LAMA1: variants seen among roughly 807,000 people sequenced by gnomAD.
LAMA1 encodes the protein laminin subunit alpha-1.
In LAMA1, 219 loss-of-function variants were observed where a neutral mutation model predicts 348.7. The ratio of observed to expected loss-of-function variants is 0.63; its 90% CI spans 0.56 to 0.70. The LOEUF is 0.70. Ranked by LOEUF, LAMA1 falls within the 30% of genes least tolerant of loss-of-function variation. LAMA1 has a pLI of 0.00. For missense variants in LAMA1, 3,744 were observed against 3,888.0 expected (o/e 0.96, Z 0.99); for synonymous variants, 1,487 against 1,491.0 (o/e 1.00, Z 0.06).
chr18:6,968,126 G>C (rs887609509), intron 48 of LAMA1, among the ~76,000 whole-genome samples: 27 of 152,156 alleles, frequency 1.8e-4, no homozygotes, highest in Non-Finnish European at 4.4e-5. Context: ...CAGGACAAAT[G>C]AAAGCTCGGT....
At chr18:7,005,386 C>T (rs1416842224) in intron 29 of LAMA1, among the ~76,000 whole-genome samples, 1 of 152,210 alleles carries the variant, frequency 6.6e-6, no homozygotes, top group Non-Finnish European at 1.5e-5. Context: ...GTGAGCTCCC[C>T]ATTGTTGCAG....
At chr18:6,970,724 T>C (rs1012160387) in intron 48 of LAMA1, among the ~76,000 whole-genome samples, 6 of 152,226 alleles carry the variant, frequency 3.9e-5, no homozygotes, top group African/African-American at 1.2e-4. Context: ...GCAATTCTCC[T>C]GTCTCAGCCT....
chr18:7,096,780 T>C (rs80207931), intron 1 of LAMA1, among the ~76,000 whole-genome samples: 32,832 of 152,168 alleles, frequency 0.22, 4,782 homozygotes, highest in Non-Finnish European at 0.3. Context: ...ATTATGTAAG[T>C]GAACAAAGTT....
intron 21 of LAMA1, among the ~76,000 whole-genome samples, chr18:7,016,281 C>T (rs1009459555): frequency 6.0e-4 from 92 of 152,190 alleles, no homozygotes; most frequent in Non-Finnish European, 8.8e-5. Context: ...TGAATCTAAG[C>T]TCCCACAATT....
chr18:6,956,687 C>G lies in LAMA1; in HGVS notation c.8043G>C (p.Leu2681=). ...GCTTGCTGTCCTCTGCATCGGGAGC[C>G]AGCTTAGGCCTTTCTGACAGCCAGC... ...DTCWLSERPK[L]APDAEDSKLL... is the part of the protein sequence containing the mutation. Residue 2681 remains leucine, a synonymous_variant, in exon 56 of 63, where the codon CTG becomes CTC. Coordinates refer to ENST00000389658, the MANE Select transcript of LAMA1 (RefSeq NM_005559.4). 2.5e-6 allele frequency: 4 copies of G among 1,614,202 alleles called. No individual in the cohort carries two copies. Among genetic ancestry groups the G allele is most frequent in the Non-Finnish European group, 3.4e-6 (4 of 1,180,044 alleles).
Position 6,947,113 on chromosome 18 carries a change from T to C in LAMA1, c.8844+50A>G, listed in dbSNP as rs1299754165. The C allele has an allele frequency of 3.1e-6, 5 of 1,612,790 alleles. No individual in the cohort carries two copies. The Admixed American group carries it at 8.3e-5, about 27-fold the overall frequency. On this transcript the variant is annotated intron_variant, in intron 61 of 62. Transcript: ENST00000389658. Reference sequence around the variant, plus strand: ...TGAATCTGCTGTTTCTCAATTGCTCTGTCTCTGACACTGGGGGGAGGAAGA... The same window carrying C: ...TGAATCTGCTGTTTCTCAATTGCTCCGTCTCTGACACTGGGGGGAGGAAGA...
intron 13 of LAMA1, 136 bp downstream of exon 13, chr18:7,035,851 C>T: frequency 2.8e-6 from 2 of 723,700 alleles, no homozygotes; most frequent in Non-Finnish European, 5.0e-6. Flanking sequence ...AGTCCCCACG[C>T]AAGTCCAGGG....
At position 7,023,167 on chromosome 18, in the gene LAMA1, G is replaced by C. The variant is rs201104095; in HGVS notation, c.2698C>G (p.Arg900Gly). 2 of 1,612,000 alleles carry C rather than the reference G, an allele frequency of 1.2e-6. No individual in the cohort carries two copies. The highest frequency in any genetic ancestry group is 1.1e-5 in the South Asian group (1 of 90,844). ...YGDAVTAKNCRACECHVKGSH... is the reference protein window; with the variant it reads ...YGDAVTAKNCGACECHVKGSH... The stretch of plus-strand genomic sequence containing the variant: ...GACTTCACGCTCACGCACTCACCGC[G>C]GCAGTTCTTGGCTGTCACAGCGTCC... The change falls in exon 19 of 63, where the codon CGC (arginine) becomes GGC (glycine). Residue 900 changes from arginine to glycine, a missense_variant. By Grantham distance (125) the Arg-to-Gly change is moderately radical. Transcript: ENST00000389658.
intron 1 of LAMA1, among the ~76,000 whole-genome samples, chr18:7,115,727 T>C (rs80199417): frequency 0.095 from 14,155 of 148,468 alleles, 876 homozygotes; most frequent in East Asian, 0.32. Flanking sequence ...ACCCAGCACT[T>C]TGGGAGGCCG....
In LAMA1 at chr18:7,080,274, G is replaced by A; in HGVS notation, c.232+13C>T. ...TCCCATGGGAATTTCAGAAATAAAG[G>A]CGCGACACTTGCCTCTGGGGTTTGC... On this transcript the variant is annotated intron_variant, in intron 2 of 62. Transcript: ENST00000389658. The A allele has an allele frequency of 1.2e-6, 2 of 1,613,880 alleles. No homozygotes were observed. Among genetic ancestry groups the A allele is most frequent in the Non-Finnish European group, 1.7e-6 (2 of 1,180,036 alleles).
chr18:7,073,822 TTGTGTGTGTGTG>T (rs112415914), intron 3 of LAMA1, among the ~76,000 whole-genome samples: 1 of 139,808 alleles, frequency 7.2e-6, no homozygotes, highest in Non-Finnish European at 1.6e-5. Context: ...ACCATACTGG[TTGTGTGTGTGTG>T]TGTGTGTGTG....
At chr18:7,058,181 T>C (rs571238478) in intron 3 of LAMA1, among the ~76,000 whole-genome samples, 136 of 152,234 alleles carry the variant, frequency 8.9e-4, no homozygotes, top group African/African-American at 3.1e-3. Context: ...CTTAGTCATA[T>C]ATAAGAAAAT....
In LAMA1 at chr18:6,942,011, C is replaced by T. The variant is rs576923550; in HGVS notation, c.*68G>A. The T allele has an allele frequency of 4.4e-6, 7 of 1,576,162 alleles. No homozygotes were observed. The African/African-American group carries it at 9.4e-5, about 21-fold the overall frequency. On this transcript the variant is annotated 3_prime_UTR_variant, in exon 63 of 63. Transcript: ENST00000389658. ...AAATGAAATATGAACTGAAGAGATT[C>T]TTAATTCACACATACACTTCTCCTC...
In LAMA1 at chr18:6,997,946, T is replaced by C. The variant is rs1164872334; in HGVS notation, c.4664-62A>G. The C allele has an allele frequency of 2.7e-6, 4 of 1,502,408 alleles. No homozygotes were observed. The African/African-American group carries it at 4.1e-5, about 15-fold the overall frequency. 93.1% of individuals were successfully genotyped at this position (1,502,408 alleles called of 1,614,324 possible). Reference sequence around the variant, plus strand: ...AATGCGATGTGGTCTGCCCATTTTTTCATGGAGTTGCGCAAGTTGTTTTGT... The same window carrying C: ...AATGCGATGTGGTCTGCCCATTTTTCCATGGAGTTGCGCAAGTTGTTTTGT... On this transcript the variant is annotated intron_variant, in intron 32 of 62. Coordinates refer to ENST00000389658, the MANE Select transcript of LAMA1 (RefSeq NM_005559.4).
At chr18:7,081,139 G>A (rs942052667) in intron 1 of LAMA1, among the ~76,000 whole-genome samples, 3 of 152,020 alleles carry the variant, frequency 2.0e-5, no homozygotes, top group African/African-American at 7.2e-5. Context: ...CTGGACAATA[G>A]AGCGAGACTG....
At chr18:7,030,459 G>A (rs1176220390) in intron 16 of LAMA1, among the ~76,000 whole-genome samples, 4 of 151,244 alleles carry the variant, frequency 2.6e-5, no homozygotes, top group Admixed American at 1.3e-4. Flanking sequence ...AGGAGCATGA[G>A]TGAAAAACTG....
At chr18:7,006,325 C>T in intron 29 of LAMA1, among the ~76,000 whole-genome samples, 1 of 152,086 alleles carries the variant, frequency 6.6e-6, no homozygotes, top group East Asian at 1.9e-4. Context: ...AGCAAACACA[C>T]ACTAACATGT....
rs138761094 is a variant in LAMA1, at chr18:7,034,196, C to T, written c.2051+283G>A. On this transcript the variant is annotated intron_variant, in intron 14 of 62. Coordinates refer to ENST00000389658, the MANE Select transcript of LAMA1 (RefSeq NM_005559.4). ...AGAACCAGGTGCAACATGGTCCAGA[C>T]AATCGCTAACTCATCGTGCATTTCC... 7.2e-4 allele frequency among the ~76,000 whole-genome samples: 109 copies of T among 152,330 alleles called. 3 individuals carry two copies. The East Asian group carries it at 0.014, about 20-fold the overall frequency.
intron 1 of LAMA1, among the ~76,000 whole-genome samples, chr18:7,083,102 A>G (rs575321054): frequency 3.5e-4 from 53 of 152,288 alleles, no homozygotes; most frequent in African/African-American, 1.1e-3. Context: ...GTTTTTGGAG[A>G]ATAATATCTC....
Sources: allele counts gnomAD v4.1 joint callset (sites outside exome capture counted in the v4.1 genomes callset), GRCh38; gene constraint gnomAD v4.1.1; transcripts MANE v1.5; gene names NCBI Gene and HGNC (gene_info 2026-07-23, HGNC 2026-07-21).